The following ILDR2 variants were observed in gnomAD, a reference collection of about 807,000 sequenced individuals.
ILDR2 encodes the protein immunoglobulin like domain containing receptor 2, also known as immunoglobulin-like domain-containing receptor 2.
In ILDR2, 25 loss-of-function variants were observed where a neutral mutation model predicts 66.8. The observed-to-expected ratio is 0.37, with a 90% confidence interval of 0.27 to 0.52. The LOEUF is 0.52. Ranked by LOEUF, ILDR2 falls within the 20% of genes least tolerant of loss-of-function variation. The pLI is 0.88. For missense variants in ILDR2, 827 were observed against 876.8 expected, an observed-to-expected ratio of 0.94 and a Z score of 0.72; for synonymous variants, 367 against 357.2, an observed-to-expected ratio of 1.03 and a Z score of -0.31.
downstream of ILDR2, among the ~76,000 whole-genome samples, chr1:166,906,181 C>T (rs1659347149): frequency 6.6e-6 from 1 of 152,182 alleles, no homozygotes; most frequent in Non-Finnish European, 1.5e-5. Flanking sequence ...TAAGCTCACA[C>T]TACAAGACCT....
rs142570386 is a variant in ILDR2, at chr1:166,899,203, A to G, written n.172-3102T>C. The stretch of plus-strand genomic sequence containing the variant: ...GGTCTAGGAGTTTGAGACCAGCCTG[A>G]CCAATATGGTGAAACTCCGTCTCTA... On this transcript the variant is annotated intron_variant and non_coding_transcript_variant, in intron 2 of 2. Transcript: ENST00000414590. 6.9e-3 allele frequency among the ~76,000 whole-genome samples: 1,054 copies of G among 152,016 alleles called. 11 individuals carry two copies. The highest frequency in any genetic ancestry group is 0.024 in the African/African-American group (1,012 of 41,490).
intron 2 of ILDR2, among the ~76,000 whole-genome samples, chr1:166,896,612 A>G (rs1039718368): frequency 2.0e-5 from 3 of 150,470 alleles, no homozygotes; most frequent in Non-Finnish European, 3.0e-5. Flanking sequence ...AATAAATTAT[A>G]TTACTAAAAT....
At chr1:166,937,617 C>T (rs1332335533) in intron 4 of ILDR2, among the ~76,000 whole-genome samples, 1 of 152,164 alleles carries the variant, frequency 6.6e-6, no homozygotes, top group African/African-American at 2.4e-5. Flanking sequence ...TTTGCCCATC[C>T]AAAAGATTAA....
chr1:166,975,344 C>G lies in ILDR2; in HGVS notation c.-76G>C. On this transcript the variant is annotated 5_prime_UTR_variant, in exon 1 of 10. Coordinates refer to ENST00000271417, the MANE Select transcript of ILDR2 (RefSeq NM_199351.3). ...TGGAACAGAAGGATCGCTGTCACCCCGCGGCAGCGGGCGGCGGCGGAGCGG... is the reference window on the plus strand; with the variant it reads ...TGGAACAGAAGGATCGCTGTCACCCGGCGGCAGCGGGCGGCGGCGGAGCGG... 1 of 1,358,332 alleles carries G rather than the reference C, an allele frequency of 7.4e-7. No individual in the cohort carries two copies. 84.1% of individuals were successfully genotyped at this position (1,358,332 alleles called of 1,614,324 possible).
chr1:166,898,551 T>C (rs1235812614), intron 2 of ILDR2, among the ~76,000 whole-genome samples: 1 of 152,200 alleles, frequency 6.6e-6, no homozygotes, highest in Non-Finnish European at 1.5e-5. Flanking sequence ...TGGTGTGTAA[T>C]GTAGCTTCTG....
intron 3 of ILDR2, among the ~76,000 whole-genome samples, chr1:166,950,726 TACAC>T (rs57212569): frequency 0.013 from 1,924 of 146,666 alleles, 35 homozygotes; most frequent in African/African-American, 0.043. Flanking sequence ...TGATCTAAAA[TACAC>T]ACACACACAC....
chr1:166,919,096 T>C lies in ILDR2; in HGVS notation c.*259A>G, dbSNP rs1228176520. On this transcript the variant is annotated 3_prime_UTR_variant, in exon 10 of 10. Transcript: ENST00000271417. ...AGGAGGCTGGGCAGGATAAACGCTA[T>C]AGTTGAGAAACTCTGTATGTAGGAA... The C allele has an allele frequency of 1.4e-5, 7 of 515,758 alleles. No individual in the cohort carries two copies. The highest frequency in any genetic ancestry group is 2.4e-5 in the Non-Finnish European group (7 of 289,364). The allele number at this position is 515,758 out of a possible 1,614,324, so 31.9% of individuals were successfully genotyped here. A position where few individuals can be genotyped will look rare whatever the true frequency, so the allele number is the denominator to read the frequency against.
chr1:166,936,810 C>T lies in ILDR2; in HGVS notation c.557-73G>A. ...GGGCAGGGTGCACTTTGATTGGCAT[C>T]TCCCGGTGAAAGGGGGAGAGGAGGA... On this transcript the variant is annotated intron_variant, in intron 4 of 9. Coordinates refer to ENST00000271417, the MANE Select transcript of ILDR2 (RefSeq NM_199351.3). This position sits in a 1 kb window ranked among gnomAD's most constrained non-coding sequence, Gnocchi z 5.0. 6.8e-7 allele frequency: 1 copy of T among 1,478,510 alleles called. No homozygotes were observed. Among genetic ancestry groups the T allele is most frequent in the Non-Finnish European group, 9.4e-7 (1 of 1,067,774 alleles). 91.6% of individuals were successfully genotyped at this position (1,478,510 alleles called of 1,614,324 possible). A position where few individuals can be genotyped will look rare whatever the true frequency, so the allele number is the denominator to read the frequency against.
In ILDR2 at chr1:166,921,109, G is replaced by A; in HGVS notation, c.1482C>T (p.Gly494=). The change falls in exon 9 of 10, where the codon GGC becomes GGT. Residue 494 remains glycine, a synonymous_variant. Transcript: ENST00000271417. The surrounding 1 kb of genome is among the most constrained non-coding windows in gnomAD (Gnocchi z 5.3). ...SREPLTDADR[G]WAFSPARRRP... is the part of the protein sequence containing the mutation. Reference sequence around the variant, plus strand: ...TGCGGCGCGCGGGGCTGAAGGCCCAGCCGCGGTCAGCATCGGTCAGGGGCT... The same window carrying A: ...TGCGGCGCGCGGGGCTGAAGGCCCAACCGCGGTCAGCATCGGTCAGGGGCT... The A allele has an allele frequency of 6.6e-7, 1 of 1,516,536 alleles. No individual in the cohort carries two copies. The highest frequency in any genetic ancestry group is 1.4e-5 in the African/African-American group (1 of 70,686). The allele number at this position is 1,516,536 out of a possible 1,614,324, so 93.9% of individuals were successfully genotyped here.
In ILDR2 at chr1:166,922,871, G is replaced by A. The variant is rs1210414337; in HGVS notation, c.995-62C>T. ...TGTTACTCTGTTTTAGACAGGAAGA[G>A]AATCCTGTTAAGGGCTGAGACCCTA... On this transcript the variant is annotated intron_variant, in intron 7 of 9. Transcript: ENST00000271417. The A allele has an allele frequency of 4.2e-6, 6 of 1,422,816 alleles. No homozygotes were observed. In the East Asian group the frequency reaches 9.1e-5, roughly 22 times the overall value. 88.1% of individuals were successfully genotyped at this position (1,422,816 alleles called of 1,614,324 possible).
chr1:166,919,232 G>C lies in ILDR2; in HGVS notation c.*123C>G, dbSNP rs1205011659. ...CTGCCTGCCATCCCTTGCCAAAGCAGAGATCAGCAAATCTTCCAAGGTGAT... is the reference window on the plus strand; with the variant it reads ...CTGCCTGCCATCCCTTGCCAAAGCACAGATCAGCAAATCTTCCAAGGTGAT... On this transcript the variant is annotated 3_prime_UTR_variant, in exon 10 of 10. Transcript: ENST00000271417. 4 of 908,480 alleles carry C rather than the reference G, an allele frequency of 4.4e-6. No homozygotes were observed. The highest frequency in any genetic ancestry group is 2.7e-5 in the East Asian group (1 of 37,492). 56.3% of individuals were successfully genotyped at this position (908,480 alleles called of 1,614,324 possible).
chr1:166,972,213 CA>C (rs753035219), intron 1 of ILDR2, among the ~76,000 whole-genome samples: 214 of 130,954 alleles, frequency 1.6e-3, no homozygotes, highest in Admixed American at 1.8e-3. Flanking sequence ...CTCTGTCTCT[CA>C]AAAAAAAAAA....
intron 2 of ILDR2, among the ~76,000 whole-genome samples, chr1:166,901,203 C>T (rs889035933): frequency 5.3e-5 from 8 of 152,218 alleles, no homozygotes; most frequent in African/African-American, 1.9e-4. Context: ...AAATGCTCCA[C>T]ATTCCCCGAG....
chr1:166,956,623 CTG>C (rs1662298907), intron 3 of ILDR2, 108 bp downstream of exon 3: 1 of 1,177,070 alleles, frequency 8.5e-7, no homozygotes, highest in Non-Finnish European at 1.2e-6. Context: ...AAAGATAAGA[CTG>C]TGTATGCAAC....
Position 166,912,003 on chromosome 1 carries a change from A to G in ILDR2, c.*7352T>C, listed in dbSNP as rs529033244. On this transcript the variant is annotated 3_prime_UTR_variant, in exon 10 of 10. Coordinates refer to ENST00000271417, the MANE Select transcript of ILDR2 (RefSeq NM_199351.3). ...GAGAGTTTTCCATATTTAATGGGAA[A>G]TCCAATCCACGGATTTAGGAAACAC... 3 of 152,310 alleles carry G rather than the reference A, an allele frequency of 2.0e-5. No homozygotes were observed. The highest frequency in any genetic ancestry group is 3.9e-4 in the East Asian group (2 of 5,192). 9.4% of individuals were successfully genotyped at this position (152,310 alleles called of 1,614,324 possible).
At chr1:166,953,313 C>A (rs190661755) in intron 3 of ILDR2, among the ~76,000 whole-genome samples, 8 of 152,182 alleles carry the variant, frequency 5.3e-5, no homozygotes, top group African/African-American at 1.9e-4. Context: ...TCTTCAGAAT[C>A]TAGTCCAAAC....
chr1:166,943,914 A>C, intron 3 of ILDR2: 2 of 857,702 alleles, frequency 2.3e-6, no homozygotes, highest in Non-Finnish European at 2.8e-6. Flanking sequence ...CACAGCTCAA[A>C]CTATCAGAGG....
At chr1:166,897,342 C>T (rs1659184484) in intron 2 of ILDR2, among the ~76,000 whole-genome samples, 1 of 152,128 alleles carries the variant, frequency 6.6e-6, no homozygotes, top group South Asian at 2.1e-4. Flanking sequence ...ATCTCTGGTT[C>T]CGGGGAGGTA....
At position 166,911,300 on chromosome 1, in the gene ILDR2, T is replaced by C. The variant is rs1037391863; in HGVS notation, c.*8055A>G. On this transcript the variant is annotated 3_prime_UTR_variant, in exon 10 of 10. Coordinates refer to ENST00000271417, the MANE Select transcript of ILDR2 (RefSeq NM_199351.3). The stretch of plus-strand genomic sequence containing the variant: ...GAAAGAAATGCACAATGCGTGTATG[T>C]GTGCCTTTTTCATTTTTTCCCATTT... 1 of 152,268 alleles carries C rather than the reference T, an allele frequency of 6.6e-6. No individual in the cohort carries two copies. The highest frequency in any genetic ancestry group is 2.4e-5 in the African/African-American group (1 of 41,478). 9.4% of individuals were successfully genotyped at this position (152,268 alleles called of 1,614,324 possible).
Sources: gnomAD v4.1 joint callset for allele counts (sites outside exome capture counted in the v4.1 genomes callset) on GRCh38, gnomAD v4.1.1 for gene constraint, Gnocchi (gnomAD v3.1) non-coding constraint, MANE v1.5 for transcripts, NCBI Gene and HGNC (gene_info 2026-07-23, HGNC 2026-07-21) for gene names.